Variants in ERBB4 observed in about 807,000 individuals in gnomAD.
ERBB4 encodes the protein erb-b2 receptor tyrosine kinase 4.
ERBB4 carries 42 observed loss-of-function variants against 158.0 expected under a neutral mutation model. The ratio of observed to expected loss-of-function variants is 0.27; its 90% CI spans 0.21 to 0.34. ERBB4 has a LOEUF of 0.34. Ranked by LOEUF, ERBB4 falls within the 10% of genes least tolerant of loss-of-function variation. ERBB4 has a pLI of 1.00. For synonymous variants in ERBB4, 583 were observed against 558.7 expected, an observed-to-expected ratio of 1.04 and a Z score of -0.61; for missense variants, 1,333 against 1,624.1, an observed-to-expected ratio of 0.82 and a Z score of 3.08.
At chr2:212,227,324 A>G (rs547071880) in intron 1 of ERBB4, among the ~76,000 whole-genome samples, 1 of 152,194 alleles carries the variant, frequency 6.6e-6, no homozygotes, top group East Asian at 1.9e-4. Flanking sequence ...ACAAAGCTTC[A>G]GGAAGAATAA....
At chr2:211,869,694 C>A (rs944066495) in intron 3 of ERBB4, among the ~76,000 whole-genome samples, 14 of 151,970 alleles carry the variant, frequency 9.2e-5, no homozygotes, top group Non-Finnish European at 1.5e-5. Flanking sequence ...ACATTGGACC[C>A]CCAAAATTAT....
chr2:212,426,274 A>C (rs758492701), intron 1 of ERBB4: 1 of 480,944 alleles, frequency 2.1e-6, no homozygotes, highest in Non-Finnish European at 4.1e-6. Flanking sequence ...CTAAAATATT[A>C]GGTTGGTGCA....
At chr2:212,013,021 A>G (rs553163070) in intron 2 of ERBB4, among the ~76,000 whole-genome samples, 39 of 150,114 alleles carry the variant, frequency 2.6e-4, no homozygotes, top group African/African-American at 9.1e-4. Flanking sequence ...CTGATACTAC[A>G]GGCATGAGAC....
chr2:211,563,509 C>A (rs1225873237), intron 19 of ERBB4, among the ~76,000 whole-genome samples: 1 of 152,104 alleles, frequency 6.6e-6, no homozygotes, highest in Non-Finnish European at 1.5e-5. Flanking sequence ...TTCAAACTAA[C>A]ATTTATTACA....
chr2:212,404,415 A>C (rs2091289680), intron 1 of ERBB4, among the ~76,000 whole-genome samples: 1 of 152,030 alleles, frequency 6.6e-6, no homozygotes, highest in Non-Finnish European at 1.5e-5. Context: ...TCATTTATCC[A>C]TCTGTTCTTT....
intron 3 of ERBB4, among the ~76,000 whole-genome samples, chr2:211,797,937 T>G (rs1387109664): frequency 2.6e-5 from 4 of 152,082 alleles, no homozygotes; most frequent in Non-Finnish European, 5.9e-5. Context: ...TCAGGTACTG[T>G]GGCAAAATAG....
At position 212,340,614 on chromosome 2, in the gene ERBB4, A is replaced by T. The variant is rs116246799; in HGVS notation, c.82+197835T>A. On this transcript the variant is annotated intron_variant, in intron 1 of 27. Transcript: ENST00000342788. ...AGGGTTTGCACTCCTATGAGAATCT[A>T]ATACTACTGCTGATCTGACAGGTAG... 3.3e-3 allele frequency among the ~76,000 whole-genome samples: 499 copies of T among 152,266 alleles called. 3 individuals carry two copies. The highest frequency in any genetic ancestry group is 0.011 in the African/African-American group (447 of 41,562).
chr2:212,106,908 C>G (rs2079246135), intron 2 of ERBB4, among the ~76,000 whole-genome samples: 1 of 152,172 alleles, frequency 6.6e-6, no homozygotes, highest in Admixed American at 6.5e-5. Context: ...GCACAGAAGT[C>G]AAGATTTGAG....
At chr2:211,859,567 A>G (rs1327983436) in intron 3 of ERBB4, among the ~76,000 whole-genome samples, 1 of 152,176 alleles carries the variant, frequency 6.6e-6, no homozygotes. Flanking sequence ...GTTAATTTTA[A>G]GTTCACTCCA....
At chr2:212,436,789 C>G (rs1212600767) in intron 1 of ERBB4, among the ~76,000 whole-genome samples, 1 of 152,040 alleles carries the variant, frequency 6.6e-6, no homozygotes, top group Non-Finnish European at 1.5e-5. Flanking sequence ...CCGAACCTTT[C>G]TCAAACCAAA....
chr2:211,641,075 ATTC>A (rs1428553061), intron 16 of ERBB4, among the ~76,000 whole-genome samples: 1 of 152,090 alleles, frequency 6.6e-6, no homozygotes, highest in Non-Finnish European at 1.5e-5. Context: ...CATATTTGTT[ATTC>A]TTGTAATTTC....
intron 12 of ERBB4, among the ~76,000 whole-genome samples, chr2:211,691,566 A>ATGTGTGTG (rs1491273640): frequency 1.6e-4 from 14 of 88,004 alleles, no homozygotes; most frequent in African/African-American, 5.7e-4. Flanking sequence ...GCATAGAAAC[A>ATGTGTGTG]TATGTGTGTG....
intron 1 of ERBB4, among the ~76,000 whole-genome samples, chr2:212,284,395 T>C (rs1267556498): frequency 6.6e-6 from 1 of 152,136 alleles, no homozygotes; most frequent in Non-Finnish European, 1.5e-5. Flanking sequence ...GTCAGTCCCA[T>C]TTACATTACA....
At chr2:211,500,293 C>T (rs2065585065) in intron 20 of ERBB4, among the ~76,000 whole-genome samples, 1 of 151,994 alleles carries the variant, frequency 6.6e-6, no homozygotes, top group African/African-American at 2.4e-5. Context: ...CTATAAATAG[C>T]AACAGACATT....
chr2:211,864,612 A>G (rs895156057), intron 3 of ERBB4, among the ~76,000 whole-genome samples: 4 of 152,202 alleles, frequency 2.6e-5, no homozygotes, highest in Non-Finnish European at 5.9e-5. Flanking sequence ...AGAGACTTAG[A>G]AATAATCATA....
intron 2 of ERBB4, among the ~76,000 whole-genome samples, chr2:212,037,071 TAATC>T (rs528381427): frequency 2.9e-4 from 44 of 152,244 alleles, no homozygotes; most frequent in South Asian, 1.2e-3. Flanking sequence ...TTTTCACTGA[TAATC>T]AATCAGCTTT....
intron 19 of ERBB4, among the ~76,000 whole-genome samples, chr2:211,615,130 T>A (rs2030460): frequency 0.79 from 119,954 of 151,906 alleles, 49,099 homozygotes; most frequent in Non-Finnish European, 0.89. Flanking sequence ...TCATTTTTTT[T>A]AAGAAAGCAA....
chr2:212,046,715 G>A (rs890419644), intron 2 of ERBB4, among the ~76,000 whole-genome samples: 3 of 152,108 alleles, frequency 2.0e-5, no homozygotes, highest in South Asian at 2.1e-4. Context: ...TTTGGGGGCC[G>A]TGGCACAAAT....
intron 3 of ERBB4, among the ~76,000 whole-genome samples, chr2:211,935,764 T>C (rs2080305057): frequency 6.6e-6 from 1 of 152,194 alleles, no homozygotes; most frequent in African/African-American, 2.4e-5. Flanking sequence ...GTTATCTGTA[T>C]CTATATCCTA....
Sources: gnomAD v4.1 joint callset for allele counts (sites outside exome capture counted in the v4.1 genomes callset) on GRCh38, gnomAD v4.1.1 for gene constraint, MANE v1.5 for transcripts, NCBI Gene and HGNC (gene_info 2026-07-23, HGNC 2026-07-21) for gene names.